Variants in RHOU observed in about 807,000 individuals in gnomAD.
The protein encoded by RHOU is ras homolog family member U.
RHOU carries 8 observed loss-of-function variants against 12.6 expected under a neutral mutation model. The observed-to-expected ratio is 0.64, with a 90% CI of 0.37 to 1.15. The LOEUF (loss-of-function observed/expected upper bound fraction) is 1.15. Among genes scored for constraint, RHOU ranks in the 50% most tolerant of loss-of-function variants. The probability of loss-of-function intolerance (pLI) is 0.01; values close to 1 mark genes in which losing one functional copy is unlikely to be tolerated. For missense variants in RHOU, 258 were observed against 347.0 expected, an observed-to-expected ratio of 0.74 and a Z score of 2.04; for synonymous variants, 161 against 147.4, an observed-to-expected ratio of 1.09 and a Z score of -0.67.
At chr1:228,721,285 C>T in the RHOU span, among the ~76,000 whole-genome samples, 1 of 152,270 alleles carries the variant, frequency 6.6e-6, no homozygotes, top group South Asian at 2.1e-4. Context: ...CTGGGCAACA[C>T]AGATTCCATC....
chr1:228,674,010 A>C, the RHOU span, among the ~76,000 whole-genome samples: 1 of 152,202 alleles, frequency 6.6e-6, no homozygotes, highest in Non-Finnish European at 1.5e-5. Context: ...CCATCATGAC[A>C]GTTTTAGTTT....
chr1:228,697,768 G>C, the RHOU span, among the ~76,000 whole-genome samples: 2 of 152,094 alleles, frequency 1.3e-5, no homozygotes, highest in Non-Finnish European at 2.9e-5. Flanking sequence ...GAAATCCCAG[G>C]GACAGTAAAA....
the RHOU span, among the ~76,000 whole-genome samples, chr1:228,656,129 T>C: frequency 6.6e-6 from 1 of 152,228 alleles, no homozygotes; most frequent in Admixed American, 6.5e-5. Flanking sequence ...GCCTTCCATA[T>C]TCACTTTGCA....
chr1:228,677,323 T>G, the RHOU span, among the ~76,000 whole-genome samples: 1 of 152,112 alleles, frequency 6.6e-6, no homozygotes, highest in Non-Finnish European at 1.5e-5. Context: ...ATTAAAGGAC[T>G]AAGAATTGGG....
At chr1:228,740,714 C>T (rs1662703568) in intron 2 of RHOU, among the ~76,000 whole-genome samples, 1 of 152,236 alleles carries the variant, frequency 6.6e-6, no homozygotes, top group Non-Finnish European at 1.5e-5. Context: ...ACCTCCACTT[C>T]AGATGCCTGG....
the RHOU span, among the ~76,000 whole-genome samples, chr1:228,655,365 G>A: frequency 2.6e-5 from 4 of 152,138 alleles, no homozygotes; most frequent in African/African-American, 4.8e-5. Flanking sequence ...GCCTCCCAAA[G>A]TGCTGGGATT....
the RHOU span, among the ~76,000 whole-genome samples, chr1:228,651,921 T>G: frequency 6.6e-6 from 1 of 152,212 alleles, no homozygotes; most frequent in Non-Finnish European, 1.5e-5. Context: ...AACCCTGAAA[T>G]GTTTTTTACA....
chr1:228,697,576 C>T, the RHOU span, among the ~76,000 whole-genome samples: 2 of 152,144 alleles, frequency 1.3e-5, no homozygotes, highest in Non-Finnish European at 2.9e-5. Context: ...ATAGGTTTAT[C>T]GTGCTGACTG....
chr1:228,706,384 A>G, the RHOU span, among the ~76,000 whole-genome samples: 2 of 152,246 alleles, frequency 1.3e-5, no homozygotes, highest in Non-Finnish European at 2.9e-5. Flanking sequence ...CTTTGTGGTC[A>G]GTGAGGATTT....
the RHOU span, among the ~76,000 whole-genome samples, chr1:228,687,098 GAGT>G: frequency 6.6e-6 from 1 of 152,148 alleles, no homozygotes; most frequent in Non-Finnish European, 1.5e-5. Flanking sequence ...GTAGGGGATA[GAGT>G]ACACAAAACT....
the RHOU span, among the ~76,000 whole-genome samples, chr1:228,716,849 C>G: frequency 6.6e-6 from 1 of 152,018 alleles, no homozygotes; most frequent in East Asian, 1.9e-4. Context: ...TTTTTTCTCA[C>G]CCAGGCACAG....
At chr1:228,705,928 C>G in the RHOU span, among the ~76,000 whole-genome samples, 1 of 152,114 alleles carries the variant, frequency 6.6e-6, no homozygotes, top group Non-Finnish European at 1.5e-5. Context: ...GCCTGTAATG[C>G]CAGCTACTCA....
chr1:228,676,841 G>T, the RHOU span, among the ~76,000 whole-genome samples: 2 of 152,114 alleles, frequency 1.3e-5, no homozygotes. Context: ...ATCAGTTAGG[G>T]TGGGGCAGAA....
the RHOU span, among the ~76,000 whole-genome samples, chr1:228,663,567 ATTATTTTTCTTTATTT>A: frequency 6.8e-6 from 1 of 146,154 alleles, no homozygotes; most frequent in Non-Finnish European, 1.5e-5. Context: ...CATAGCTGAC[ATTATTTTTCTTTATTT>A]TTATTTTTCT....
rs1662810528 is a variant in RHOU, at chr1:228,745,514, T to C, written c.*1774T>C. ...GGTTCTATTTATTCCTGTTAGTAAA[T>C]AAAATTAACAAATTTCTTTGTTTAA... On this transcript the variant is annotated 3_prime_UTR_variant, in exon 3 of 3. Coordinates refer to ENST00000366691, the MANE Select transcript of RHOU (RefSeq NM_021205.6). The C allele has an allele frequency of 6.6e-6, 1 of 152,218 alleles. No individual in the cohort carries two copies. The highest frequency in any genetic ancestry group is 1.5e-5 in the Non-Finnish European group (1 of 68,034). The allele number at this position is 152,218 out of a possible 1,614,324, so 9.4% of individuals were successfully genotyped here. A position where few individuals can be genotyped will look rare whatever the true frequency, so the allele number is the denominator to read the frequency against.
At chr1:228,661,248 T>A in the RHOU span, among the ~76,000 whole-genome samples, 1 of 152,210 alleles carries the variant, frequency 6.6e-6, no homozygotes, top group East Asian at 1.9e-4. Flanking sequence ...ATCATGAAAA[T>A]GGCCGTACTG....
the RHOU span, among the ~76,000 whole-genome samples, chr1:228,697,138 G>C: frequency 6.6e-6 from 1 of 152,108 alleles, no homozygotes; most frequent in Non-Finnish European, 1.5e-5. Flanking sequence ...CAAATGTTTT[G>C]ACAGCCTTCT....
chr1:228,681,465 G>A, the RHOU span, among the ~76,000 whole-genome samples: 374 of 152,230 alleles, frequency 2.5e-3, 1 homozygote, highest in African/African-American at 8.7e-3. Context: ...GACTGGGGTT[G>A]AGACTGAAGG....
chr1:228,711,533 A>C, the RHOU span, among the ~76,000 whole-genome samples: 2 of 152,146 alleles, frequency 1.3e-5, no homozygotes, highest in Non-Finnish European at 2.9e-5. Context: ...ATCTGTGACA[A>C]ACCTGACAAA....
Sources: gnomAD v4.1 joint callset for allele counts (sites outside exome capture counted in the v4.1 genomes callset) on GRCh38, gnomAD v4.1.1 for gene constraint, MANE v1.5 for transcripts, NCBI Gene and HGNC (gene_info 2026-07-23, HGNC 2026-07-21) for gene names.